ZNF28: variants seen among roughly 807,000 people sequenced by gnomAD.
ZNF28 encodes zinc finger protein KOX24.
A neutral mutation model predicts 7.2 loss-of-function variants in ZNF28; 5 were observed. That is an observed-to-expected ratio of 0.70 (90% CI 0.36 to 1.46). The LOEUF is 1.46. Ranked by LOEUF, ZNF28 falls within the 40% of genes most tolerant of loss-of-function variation. The pLI is 0.03. For missense variants in ZNF28, 879 were observed against 866.6 expected, an observed-to-expected ratio of 1.01 and a Z score of -0.18; for synonymous variants, 288 against 292.4, an observed-to-expected ratio of 0.99 and a Z score of 0.15.
In ZNF28 at chr19:52,798,518, G is replaced by A. The variant is rs12971480; in HGVS notation, c.*1170C>T. 37,527 of 508,104 alleles carry A rather than the reference G, an allele frequency of 0.074. 2,747 individuals are homozygous for A. The highest frequency in any genetic ancestry group is 0.19 in the African/African-American group (9,527 of 51,066). 31.5% of individuals were successfully genotyped at this position (508,104 alleles called of 1,614,324 possible). On this transcript the variant is annotated 3_prime_UTR_variant, in exon 4 of 4. Coordinates refer to ENST00000457749, the MANE Select transcript of ZNF28 (RefSeq NM_006969.5). ...AGACCTTACCACACTGATGACATTT[G>A]TAAGATTTCTGTCCAGCATGGATTC...
intron 2 of ZNF28, among the ~76,000 whole-genome samples, chr19:52,810,977 T>C (rs1214555025): frequency 7.3e-6 from 1 of 136,972 alleles, no homozygotes; most frequent in African/African-American, 2.6e-5. Flanking sequence ...CTCGGCTCAC[T>C]GCAACCTCCC....
chr19:52,808,173 A>G, intron 2 of ZNF28, 40 bp from the exon 3 acceptor site: 23 of 1,606,262 alleles, frequency 1.4e-5, no homozygotes, highest in Non-Finnish European at 1.9e-5. Flanking sequence ...GTTATGGTGG[A>G]GTTCTTATCT....
At chr19:52,818,103 C>T (rs113162001) in intron 1 of ZNF28, 72 bp from the exon 2 acceptor site, 34,512 of 1,394,286 alleles carry the variant, frequency 0.025, 516 homozygotes, top group Non-Finnish European at 0.027. Flanking sequence ...ACAACACATA[C>T]AAAGGAGACT....
chr19:52,800,212 G>A lies in ZNF28; in HGVS notation c.1633C>T (p.His545Tyr). ...KANLACHHKL[H>Y]TAEKPYKCEE... ...CATTTGTACGGTTTCTCTGCAGTAT[G>A]AAGTTTATGATGACATGCAAGGTTT... Residue 545 changes from histidine to tyrosine, a missense_variant, in exon 4 of 4, where the codon CAT becomes TAT. His to Tyr is a moderately conservative substitution (Grantham distance 83, BLOSUM62 2). Around this residue, in one of 2 missense-constraint regions of ZNF28, gnomAD observed 864 missense variants for 830.2 expected, o/e 1.04. Transcript: ENST00000457749. The A allele has an allele frequency of 6.2e-7, 1 of 1,613,380 alleles. No homozygotes were observed. Among genetic ancestry groups the A allele is most frequent in the Non-Finnish European group, 8.5e-7 (1 of 1,179,862 alleles).
At chr19:52,813,268 A>AAAAAAAAAC (rs2063077901) in intron 2 of ZNF28, among the ~76,000 whole-genome samples, 1 of 149,870 alleles carries the variant, frequency 6.7e-6, no homozygotes, top group Non-Finnish European at 1.5e-5. Flanking sequence ...AAAAAAAAAA[A>AAAAAAAAAC]AAAGACATAC....
At chr19:52,807,186 G>C (rs1292350162) in intron 3 of ZNF28, among the ~76,000 whole-genome samples, 1 of 152,124 alleles carries the variant, frequency 6.6e-6, no homozygotes, top group Non-Finnish European at 1.5e-5. Flanking sequence ...CTCCAACATG[G>C]AGACAGCAGG....
intron 3 of ZNF28, among the ~76,000 whole-genome samples, chr19:52,804,597 G>A (rs897401261): frequency 7.9e-5 from 12 of 152,138 alleles, no homozygotes; most frequent in South Asian, 2.1e-4. Flanking sequence ...TCTCAAACTC[G>A]TGACCTCAAG....
chr19:52,820,948 G>A (rs552681933), intron 1 of ZNF28, among the ~76,000 whole-genome samples: 1 of 152,048 alleles, frequency 6.6e-6, no homozygotes, highest in South Asian at 2.1e-4. Context: ...GATCACACGA[G>A]GGTTTGGAGT....
chr19:52,810,554 A>C, intron 2 of ZNF28: 1 of 1,595,392 alleles, frequency 6.3e-7, no homozygotes, highest in Admixed American at 1.7e-5. Flanking sequence ...AGGCATCAGC[A>C]CAACAGACCG....
rs2062839983 is a variant in ZNF28 at position 52,799,928 on chromosome 19, C to T, written c.1917G>A (p.Glu639=). The T allele has an allele frequency of 6.2e-7, 1 of 1,613,610 alleles. No individual in the cohort carries two copies. Among genetic ancestry groups the T allele is most frequent in the Admixed American group, 1.7e-5 (1 of 59,972 alleles). The change falls in exon 4 of 4, where the codon GAG becomes GAA. Residue 639 remains glutamate, a synonymous_variant. Coordinates refer to ENST00000457749, the MANE Select transcript of ZNF28 (RefSeq NM_006969.5). ...ACATCTGACTGAAGGTCTTGCCACA[C>T]TCATTACACTTGTAAGGTTTCTCTC... is the stretch of plus-strand genomic sequence containing the variant. The part of the protein sequence containing the change: ...HTGEKPYKCN[E]CGKTFSQMSS...
rs760919564 is a variant in ZNF28, at chr19:52,808,002, C to T, written c.142+5G>A. ...AAGGGCACATCCCCAGGAGGTTATCCTCACCCAGGGAGACCAGGTTCCTAT... is the reference window on the plus strand; with the variant it reads ...AAGGGCACATCCCCAGGAGGTTATCTTCACCCAGGGAGACCAGGTTCCTAT... On this transcript the variant is annotated splice_donor_5th_base_variant and intron_variant, in intron 3 of 3. Coordinates refer to ENST00000457749, the MANE Select transcript of ZNF28 (RefSeq NM_006969.5). 3 of 1,612,976 alleles carry T rather than the reference C, an allele frequency of 1.9e-6. No homozygotes were observed. The highest frequency in any genetic ancestry group is 2.5e-6 in the Non-Finnish European group (3 of 1,179,310).
At chr19:52,821,553 C>T (rs1292400417) in intron 1 of ZNF28, 33 bp downstream of exon 1, 1 of 152,184 alleles carries the variant, frequency 6.6e-6, no homozygotes, top group Non-Finnish European at 1.5e-5. Flanking sequence ...ACCTGGGAAG[C>T]TCAGACTTAA....
Position 52,798,486 on chromosome 19 carries a change from GGACTGAA to G in ZNF28, c.*1195_*1201del. ...CTGATGGTCTGCAAGGAGTGATCTC[GGACTGAA>G]GACCTTACCACACTGATGACATTTG... On this transcript the variant is annotated 3_prime_UTR_variant, in exon 4 of 4. Transcript: ENST00000457749. 2.0e-6 allele frequency: 1 copy of G among 493,366 alleles called. No individual in the cohort carries two copies. The highest frequency in any genetic ancestry group is 4.1e-6 in the Non-Finnish European group (1 of 242,692). The allele number at this position is 493,366 out of a possible 1,614,324, so 30.6% of individuals were successfully genotyped here. A position where few individuals can be genotyped will look rare whatever the true frequency, so the allele number is the denominator to read the frequency against.
At chr19:52,812,762 T>TAAAAAAAA (rs56944474) in intron 2 of ZNF28, among the ~76,000 whole-genome samples, 3 of 75,400 alleles carry the variant, frequency 4.0e-5, no homozygotes, top group African/African-American at 8.5e-5. Context: ...GAATGATCAA[T>TAAAAAAAA]AAAAAAAAAA....
In ZNF28 at chr19:52,809,719, C is replaced by T. The variant is rs902325265; in HGVS notation, c.16-1586G>A. On this transcript the variant is annotated intron_variant, in intron 2 of 3. Transcript: ENST00000457749. ...TACTCGAGAGGCTGAGGCAGCAAAA[C>T]GCTTTAACCCAGGAGGAGGGGGTTG... 30 of 395,208 alleles carry T rather than the reference C, an allele frequency of 7.6e-5. No individual in the cohort carries two copies. In the East Asian group the frequency reaches 1.3e-3, roughly 17 times the overall value. 24.5% of individuals were successfully genotyped at this position (395,208 alleles called of 1,614,324 possible).
intron 3 of ZNF28, 75 bp from the exon 4 acceptor site, chr19:52,801,777 AC>A (rs2062875404): frequency 2.3e-5 from 31 of 1,344,062 alleles, no homozygotes; most frequent in Non-Finnish European, 3.0e-5. Context: ...TAAATATGAC[AC>A]AAAAAACAAT....
intron 3 of ZNF28, 78 bp downstream of exon 3, chr19:52,807,929 T>C (rs1438543840): frequency 5.0e-6 from 8 of 1,600,700 alleles, no homozygotes; most frequent in Non-Finnish European, 6.0e-6. Context: ...TTTAGTCAAG[T>C]AAGGATGTGG....
At chr19:52,801,778 C>T in intron 3 of ZNF28, 76 bp from the exon 4 acceptor site, 5 of 1,338,230 alleles carry the variant, frequency 3.7e-6, no homozygotes, top group Non-Finnish European at 5.1e-6. Context: ...AAATATGACA[C>T]AAAAAACAAT....
In ZNF28 at chr19:52,801,575, A is replaced by C; in HGVS notation, c.270T>G (p.Ile90Met). Reference protein sequence around the residue: ...HHIGDFCFQKIEKDIHGFQFQ... With the variant: ...HHIGDFCFQKMEKDIHGFQFQ... The stretch of plus-strand genomic sequence containing the variant: ...ACTGGAAGCCATGAATGTCTTTCTC[A>C]ATTTTCTGGAAGCAAAAATCTCCAA... The change falls in exon 4 of 4, where the codon ATT (isoleucine) becomes ATG (methionine). Residue 90 changes from isoleucine to methionine, a missense_variant. Physicochemically the swap from Ile to Met is conservative, Grantham distance 10. Coordinates refer to ENST00000457749, the MANE Select transcript of ZNF28 (RefSeq NM_006969.5). The C allele has an allele frequency of 6.2e-7, 1 of 1,614,076 alleles. No homozygotes were observed. The highest frequency in any genetic ancestry group is 8.5e-7 in the Non-Finnish European group (1 of 1,180,008).
Sources: gnomAD v4.1 joint callset for allele counts (sites outside exome capture counted in the v4.1 genomes callset) on GRCh38, gnomAD v4.1.1 for gene constraint, gnomAD v4.1.1 regional missense constraint, MANE v1.5 for transcripts, NCBI Gene and HGNC (gene_info 2026-07-23, HGNC 2026-07-21) for gene names.